Variants in ZNF254 observed in about 807,000 individuals in gnomAD.
ZNF254 encodes the protein CTD-2017D11.1.
Under a neutral mutation model 12.4 loss-of-function variants are expected in ZNF254, and 10 were observed. The ratio of observed to expected loss-of-function variants is 0.80; its 90% confidence interval spans 0.50 to 1.36. The LOEUF (loss-of-function observed/expected upper bound fraction) is 1.36. ZNF254 is among the 40% of genes most tolerant of loss of function. The pLI is 0.00. For synonymous variants in ZNF254, 305 were observed against 253.4 expected (o/e 1.20, Z -1.93); for missense variants, 996 against 763.9 (o/e 1.30, Z -3.58).
chr19:24,077,020 C>G (rs1164760580), intron 2 of ZNF254, among the ~76,000 whole-genome samples: 1 of 152,196 alleles, frequency 6.6e-6, no homozygotes, highest in Non-Finnish European at 1.5e-5. Context: ...AAAGTTATCT[C>G]TCTGAGGCTC....
In ZNF254 at chr19:24,126,735, A is replaced by G; in HGVS notation, c.735A>G (p.Lys245=). The change falls in exon 4 of 4, where the codon AAA becomes AAG. Residue 245 remains lysine (K), a synonymous_variant. Transcript: ENST00000357002. ...CTTACAAATGTGAAGAATATAACAAATCTCCTAAGCAACTCTCAACCCTTA... is the reference window on the plus strand; with the variant it reads ...CTTACAAATGTGAAGAATATAACAAGTCTCCTAAGCAACTCTCAACCCTTA... ...EKPYKCEEYN[K]SPKQLSTLTT... is the part of the protein sequence containing the mutation. The G allele has an allele frequency of 6.2e-7, 1 of 1,613,458 alleles. No homozygotes were observed.
intron 2 of ZNF254, chr19:24,065,968 A>G (rs1971255428): frequency 6.6e-6 from 1 of 152,058 alleles, no homozygotes; most frequent in South Asian, 2.1e-4. Flanking sequence ...GCTCACAGAG[A>G]AATTGTGACA....
intron 1 of ZNF254, among the ~76,000 whole-genome samples, chr19:24,090,897 T>A (rs73021424): frequency 6.7e-6 from 1 of 150,368 alleles, no homozygotes; most frequent in Non-Finnish European, 1.5e-5. Flanking sequence ...TTTCTCAGAG[T>A]GAGTTTAGGA....
upstream of ZNF254, among the ~76,000 whole-genome samples, chr19:24,084,426 G>A (rs914030976): frequency 6.6e-6 from 1 of 151,800 alleles, no homozygotes; most frequent in Non-Finnish European, 1.5e-5. Flanking sequence ...GAAGAGTGAC[G>A]GATAAAAGAC....
chr19:24,053,814 C>G (rs1040259806), intron 2 of ZNF254, among the ~76,000 whole-genome samples: 1 of 152,140 alleles, frequency 6.6e-6, no homozygotes, highest in East Asian at 1.9e-4. Flanking sequence ...TCTATCTGGG[C>G]CCTGCCAAAA....
chr19:24,105,953 T>G lies in ZNF254; in HGVS notation c.44T>G (p.Phe15Cys), dbSNP rs1209724022. The G allele has an allele frequency of 1.3e-6, 2 of 1,595,470 alleles. No individual in the cohort carries two copies. The highest frequency in any genetic ancestry group is 2.3e-5 in the East Asian group (1 of 44,298). The change falls in exon 2 of 4, where the codon TTT (phenylalanine) becomes TGT (cysteine). Residue 15 changes from phenylalanine to cysteine, a missense_variant. Phe to Cys is a radical substitution (Grantham distance 205). Coordinates refer to ENST00000357002, the MANE Select transcript of ZNF254 (RefSeq NM_203282.4). The stretch of plus-strand genomic sequence containing the variant: ...TGTGTTTTCCAGGGACTGTTGACAT[T>G]TAGGGATGTGGCCATAGAATTCTCT... ...PRSLEMGLLT[F>C]RDVAIEFSLE...
chr19:24,120,931 C>A (rs1599759038), intron 3 of ZNF254, among the ~76,000 whole-genome samples: 1 of 152,024 alleles, frequency 6.6e-6, no homozygotes, highest in East Asian at 1.9e-4. Context: ...TATATGCAAA[C>A]TCTCGCTGTA....
intron 2 of ZNF254, among the ~76,000 whole-genome samples, chr19:24,050,936 A>G (rs1260369018): frequency 6.6e-6 from 1 of 152,042 alleles, no homozygotes; most frequent in Non-Finnish European, 1.5e-5. Flanking sequence ...TCCCAACCTC[A>G]GGTGAGCCGC....
At chr19:24,065,031 C>T (rs1486396574) in intron 2 of ZNF254, among the ~76,000 whole-genome samples, 1 of 152,116 alleles carries the variant, frequency 6.6e-6, no homozygotes, top group East Asian at 1.9e-4. Context: ...GCTCTTCTCA[C>T]TTGCCTGAGA....
intron 2 of ZNF254, among the ~76,000 whole-genome samples, chr19:24,048,114 C>A (rs8110727): frequency 6.7e-6 from 1 of 149,386 alleles, no homozygotes; most frequent in Non-Finnish European, 1.5e-5. Context: ...GAGCTCCACA[C>A]GTGGCCTGCA....
At chr19:24,085,407 G>GATATATATATATATATATATATAT (rs1599669328), upstream of ZNF254, among the ~76,000 whole-genome samples, 1 of 2,182 alleles carries the variant, frequency 4.6e-4, no homozygotes, top group Admixed American at 5.1e-3. Context: ...GTTTGTTAAG[G>GATATATATATATATATATATATAT]GTATATATAT....
At position 24,125,672 on chromosome 19, in the gene ZNF254, G is replaced by A. The variant is rs926868074; in HGVS notation, c.254-582G>A. 5.9e-5 allele frequency among the ~76,000 whole-genome samples: 9 copies of A among 152,234 alleles called. 1 individual carries two copies. The highest frequency in any genetic ancestry group is 1.4e-4 in the African/African-American group (6 of 41,540). On this transcript the variant is annotated intron_variant, in intron 3 of 3. Coordinates refer to ENST00000357002, the MANE Select transcript of ZNF254 (RefSeq NM_203282.4). Reference sequence around the variant, plus strand: ...ATTATTTAATTAGGAGAGATTACTCGTTAATTTGTAGCGTCATCACTTGCT... The same window carrying A: ...ATTATTTAATTAGGAGAGATTACTCATTAATTTGTAGCGTCATCACTTGCT...
At chr19:24,107,302 C>T in intron 3 of ZNF254, 2 of 566,736 alleles carry the variant, frequency 3.5e-6, no homozygotes, top group Non-Finnish European at 6.2e-6. Flanking sequence ...GATAATATGG[C>T]AGTTTCATAA....
chr19:24,038,056 T>A (rs1020091350), intron 1 of ZNF254, among the ~76,000 whole-genome samples: 1 of 152,210 alleles, frequency 6.6e-6, no homozygotes, highest in Non-Finnish European at 1.5e-5. Flanking sequence ...CAGAAAACTT[T>A]TATATAATTC....
At chr19:24,045,823 G>C (rs1281304628) in intron 1 of ZNF254, among the ~76,000 whole-genome samples, 1 of 151,944 alleles carries the variant, frequency 6.6e-6, no homozygotes, top group East Asian at 1.9e-4. Flanking sequence ...AACATAACAA[G>C]GGCTTTATTT....
rs373995564 is a variant in ZNF254 at position 24,127,505 on chromosome 19, C to T, written c.1505C>T (p.Ser502Phe). The T allele has an allele frequency of 1.3e-5, 21 of 1,613,318 alleles. No individual in the cohort carries two copies. The highest frequency in any genetic ancestry group is 1.7e-5 in the Admixed American group (1 of 59,912). ...GAATGTGGCAAATCTTTTAGCCAATCCTCAACCCTTACTACACATAAGATA... is the reference window on the plus strand; with the variant it reads ...GAATGTGGCAAATCTTTTAGCCAATTCTCAACCCTTACTACACATAAGATA... Reference protein sequence around the residue: ...CEECGKSFSQSSTLTTHKIIH... With the variant: ...CEECGKSFSQFSTLTTHKIIH... Residue 502 changes from serine (S) to phenylalanine (F), a missense_variant, in exon 4 of 4, where the codon TCC becomes TTC. By Grantham distance (155) the Ser-to-Phe change is radical. Transcript: ENST00000357002.
intron 2 of ZNF254, among the ~76,000 whole-genome samples, chr19:24,071,508 C>G (rs1971479471): frequency 6.6e-6 from 1 of 152,188 alleles, no homozygotes; most frequent in South Asian, 2.1e-4. Context: ...GGTGAAGGGC[C>G]TAGGTTATGC....
chr19:24,095,684 T>C (rs918386685), intron 1 of ZNF254, among the ~76,000 whole-genome samples: 1 of 152,194 alleles, frequency 6.6e-6, no homozygotes. Context: ...GAGGTGTTCA[T>C]AGTACATTTC....
intron 2 of ZNF254, chr19:24,080,777 CAAAAAAAAAA>C (rs146366313): frequency 1.4e-5 from 1 of 72,140 alleles, no homozygotes; most frequent in African/African-American, 4.8e-5. Context: ...GACTCCGTCT[CAAAAAAAAAA>C]AAAAAAAAAG....
Sources: gnomAD v4.1 joint callset for allele counts (sites outside exome capture counted in the v4.1 genomes callset) on GRCh38, gnomAD v4.1.1 for gene constraint, MANE v1.5 for transcripts, NCBI Gene and HGNC (gene_info 2026-07-23, HGNC 2026-07-21) for gene names.